FER: variants seen among roughly 807,000 people sequenced by gnomAD.
FER encodes the protein FER tyrosine kinase, also known as tyrosine-protein kinase Fer.
In FER, 63 loss-of-function variants were observed where a neutral mutation model predicts 111.0. That is an observed-to-expected ratio of 0.57 (90% CI 0.46 to 0.70). The LOEUF (loss-of-function observed/expected upper bound fraction) is 0.70. Among genes scored for constraint, FER ranks in the 30% least tolerant of loss-of-function variants. The pLI is 0.00. For missense variants in FER, 914 were observed against 954.0 expected, an observed-to-expected ratio of 0.96 and a Z score of 0.55; for synonymous variants, 327 against 313.9, an observed-to-expected ratio of 1.04 and a Z score of -0.44.
intron 6 of FER, among the ~76,000 whole-genome samples, chr5:108,869,504 A>G (rs1207039372): frequency 1.3e-5 from 2 of 152,122 alleles, no homozygotes; most frequent in African/African-American, 2.4e-5. Flanking sequence ...ATCATTCTGG[A>G]TTTAGAGTAG....
intron 2 of FER, among the ~76,000 whole-genome samples, chr5:108,790,176 T>C (rs1049433002): frequency 4.6e-5 from 7 of 151,278 alleles, no homozygotes; most frequent in African/African-American, 1.5e-4. Context: ...CACTCCAGCC[T>C]GGACAACATA....
intron 13 of FER, among the ~76,000 whole-genome samples, chr5:109,036,245 C>T (rs1770380687): frequency 6.6e-6 from 1 of 151,990 alleles, no homozygotes; most frequent in Non-Finnish European, 1.5e-5. Context: ...TGACGTTATC[C>T]TCCTAAGTTT....
chr5:108,887,776 C>G (rs1747404080), intron 9 of FER, among the ~76,000 whole-genome samples: 2 of 151,686 alleles, frequency 1.3e-5, no homozygotes, highest in South Asian at 4.1e-4. Context: ...GGAAATAATA[C>G]CAATCTTTTC....
intron 17 of FER, among the ~76,000 whole-genome samples, chr5:109,138,093 A>C (rs1204997940): frequency 6.6e-6 from 1 of 152,200 alleles, no homozygotes; most frequent in Admixed American, 6.5e-5. Flanking sequence ...ACTATAGGAG[A>C]GAATGCCATA....
chr5:108,777,987 C>A (rs1753678268), intron 2 of FER, among the ~76,000 whole-genome samples: 1 of 152,144 alleles, frequency 6.6e-6, no homozygotes, highest in Non-Finnish European at 1.5e-5. Flanking sequence ...GACACAGAAC[C>A]AAATCATATC....
intron 13 of FER, among the ~76,000 whole-genome samples, chr5:109,036,957 G>T (rs564309133): frequency 2.1e-4 from 32 of 152,154 alleles, no homozygotes; most frequent in African/African-American, 7.5e-4. Flanking sequence ...GTCATAGACA[G>T]CTATAACTCA....
intron 16 of FER, among the ~76,000 whole-genome samples, chr5:109,056,508 A>C (rs1011210644): frequency 4.9e-5 from 7 of 142,674 alleles, no homozygotes; most frequent in African/African-American, 1.8e-4. Flanking sequence ...TGGAATCTTA[A>C]AAAAAAGTCA....
intron 1 of FER, among the ~76,000 whole-genome samples, chr5:108,764,900 C>T (rs1752147235): frequency 6.6e-6 from 1 of 152,114 alleles, no homozygotes; most frequent in South Asian, 2.1e-4. Flanking sequence ...GAGACATAAT[C>T]ACTTTTAGGG....
At chr5:109,001,680 G>A (rs1371820448) in intron 13 of FER, among the ~76,000 whole-genome samples, 3 of 152,342 alleles carry the variant, frequency 2.0e-5, no homozygotes, top group Admixed American at 1.3e-4. Context: ...ATTAGGAAAA[G>A]AGGAAGTCAA....
At chr5:108,813,930 T>C (rs1758014350) in intron 3 of FER, among the ~76,000 whole-genome samples, 1 of 152,184 alleles carries the variant, frequency 6.6e-6, no homozygotes, top group African/African-American at 2.4e-5. Context: ...GTGGAACAAA[T>C]GGAGAGAATA....
intron 13 of FER, among the ~76,000 whole-genome samples, chr5:108,999,595 G>A (rs1239888065): frequency 4.6e-5 from 7 of 151,934 alleles, no homozygotes; most frequent in Admixed American, 6.6e-5. Context: ...TCTGCATGTC[G>A]TTAATTTTAT....
chr5:108,831,248 T>C (rs184278413), intron 3 of FER, among the ~76,000 whole-genome samples: 3 of 152,220 alleles, frequency 2.0e-5, no homozygotes, highest in Admixed American at 2.0e-4. Flanking sequence ...AAGAAGACTG[T>C]CTCCTCTCAC....
intron 17 of FER, among the ~76,000 whole-genome samples, chr5:109,157,516 GT>G (rs148995299): frequency 6.8e-6 from 1 of 147,758 alleles, no homozygotes; most frequent in African/African-American, 2.5e-5. Context: ...GATGAGTTCT[GT>G]TTTTTTTTTC....
intron 13 of FER, among the ~76,000 whole-genome samples, chr5:109,017,629 T>C (rs1767341238): frequency 6.6e-6 from 1 of 151,966 alleles, no homozygotes; most frequent in African/African-American, 2.4e-5. Context: ...CAAATCAAAA[T>C]AAAATTCATT....
At chr5:108,950,978 T>A (rs994375935) in intron 11 of FER, among the ~76,000 whole-genome samples, 10 of 150,398 alleles carry the variant, frequency 6.6e-5, no homozygotes, top group Admixed American at 2.0e-4. Flanking sequence ...AAAAAAAAAA[T>A]AAATTTATAG....
intron 13 of FER, among the ~76,000 whole-genome samples, chr5:109,018,026 G>T (rs1197486373): frequency 1.3e-5 from 2 of 151,848 alleles, no homozygotes; most frequent in East Asian, 3.8e-4. Context: ...AGTAGGGAAA[G>T]AAAGCATCAT....
intron 1 of FER, among the ~76,000 whole-genome samples, chr5:108,764,760 T>C (rs924633543): frequency 6.6e-6 from 1 of 152,220 alleles, no homozygotes; most frequent in African/African-American, 2.4e-5. Context: ...AATAAATATT[T>C]AGTTTATCAG....
intron 3 of FER, chr5:108,820,131 T>C: frequency 1.0e-6 from 1 of 985,398 alleles, no homozygotes; most frequent in Middle Eastern, 5.2e-4. Context: ...TTCATTCTTC[T>C]CTTTAAAATT....
chr5:108,936,099 G>A lies in FER; in HGVS notation c.1237-10031G>A, dbSNP rs550405639. Among the ~76,000 whole-genome samples, 8 of 152,040 alleles carry A rather than the reference G, an allele frequency of 5.3e-5. No individual in the cohort carries two copies. In the East Asian group the frequency reaches 1.2e-3, roughly 22 times the overall value. On this transcript the variant is annotated intron_variant, in intron 10 of 19. Transcript: ENST00000281092. ...AATTTCGGCTGCTTGACCACATGACGTTCAGCAAATCACTTAGTATTTCTA... is the reference window on the plus strand; with the variant it reads ...AATTTCGGCTGCTTGACCACATGACATTCAGCAAATCACTTAGTATTTCTA...
Sources: gnomAD v4.1 joint callset for allele counts (sites outside exome capture counted in the v4.1 genomes callset) on GRCh38, gnomAD v4.1.1 for gene constraint, MANE v1.5 for transcripts, NCBI Gene and HGNC (gene_info 2026-07-23, HGNC 2026-07-21) for gene names.